The following TRHR variants were observed in gnomAD, a reference collection of about 807,000 sequenced individuals.
TRHR encodes the protein thyrotropin-releasing hormone receptor.
In TRHR, 14 loss-of-function variants were observed where a neutral mutation model predicts 28.0. The ratio of observed to expected loss-of-function variants is 0.50; its 90% CI spans 0.33 to 0.78. TRHR has a LOEUF of 0.78. TRHR is among the 30% of genes least tolerant of loss of function. TRHR has a pLI of 0.02. For missense variants in TRHR, 438 were observed against 469.5 expected (o/e 0.93, Z 0.62); for synonymous variants, 176 against 171.9 (o/e 1.02, Z -0.18).
chr8:109,096,755 G>T (rs1811599587), intron 2 of TRHR, among the ~76,000 whole-genome samples: 1 of 151,912 alleles, frequency 6.6e-6, no homozygotes, highest in Non-Finnish European at 1.5e-5. Flanking sequence ...GCACACTTTT[G>T]TGTTTGTGTG....
intron 2 of TRHR, among the ~76,000 whole-genome samples, chr8:109,111,019 G>A (rs1563626453): frequency 6.6e-6 from 1 of 152,076 alleles, no homozygotes; most frequent in Non-Finnish European, 1.5e-5. Context: ...CAGACATGGT[G>A]GTGCACGCAT....
At chr8:109,101,565 G>T (rs1251544192) in intron 2 of TRHR, among the ~76,000 whole-genome samples, 2 of 151,208 alleles carry the variant, frequency 1.3e-5, no homozygotes, top group African/African-American at 4.9e-5. Flanking sequence ...TTCTCACAGT[G>T]CCTGGAACAT....
intron 2 of TRHR, among the ~76,000 whole-genome samples, chr8:109,107,432 T>C (rs889193743): frequency 6.6e-6 from 1 of 152,168 alleles, no homozygotes; most frequent in Admixed American, 6.5e-5. Flanking sequence ...GCCATACAGA[T>C]AGTAAGTGGC....
intron 2 of TRHR, among the ~76,000 whole-genome samples, chr8:109,108,147 C>T (rs538644058): frequency 6.6e-6 from 1 of 152,256 alleles, no homozygotes; most frequent in South Asian, 2.1e-4. Context: ...CAGGTGCTCC[C>T]AGCTCTACGA....
intron 2 of TRHR, among the ~76,000 whole-genome samples, chr8:109,102,265 C>A (rs1454294701): frequency 2.6e-5 from 4 of 151,958 alleles, no homozygotes; most frequent in African/African-American, 9.7e-5. Flanking sequence ...TAGAAGAAAT[C>A]TATGTCTGTT....
chr8:109,104,286 C>T (rs1023528140), intron 2 of TRHR, among the ~76,000 whole-genome samples: 2 of 152,076 alleles, frequency 1.3e-5, no homozygotes, highest in Admixed American at 1.3e-4. Flanking sequence ...ATAAAATATT[C>T]TTTCAAAAGC....
At chr8:109,105,484 C>T (rs914413694) in intron 2 of TRHR, among the ~76,000 whole-genome samples, 4 of 152,088 alleles carry the variant, frequency 2.6e-5, no homozygotes, top group Non-Finnish European at 5.9e-5. Flanking sequence ...CTCTTTTAGA[C>T]CTTGGGAACA....
Position 109,098,919 on chromosome 8 carries a change from C to T in TRHR, c.789+10618C>T, listed in dbSNP as rs371234648. Among the ~76,000 whole-genome samples, 4 of 151,546 alleles carry T rather than the reference C, an allele frequency of 2.6e-5. No homozygotes were observed. The East Asian group carries it at 7.7e-4, about 29-fold the overall frequency. On this transcript the variant is annotated intron_variant, in intron 2 of 2. Transcript: ENST00000518632. Reference sequence around the variant, plus strand: ...TGCCGTTAATAATTTTTTCAAATGCCCCTTTCTCTCAGCGGATTGTGCATC... The same window carrying T: ...TGCCGTTAATAATTTTTTCAAATGCTCCTTTCTCTCAGCGGATTGTGCATC...
At position 109,119,692 on chromosome 8, in the gene TRHR, C is replaced by T; in HGVS notation, c.*237C>T. 1 of 493,256 alleles carries T rather than the reference C, an allele frequency of 2.0e-6. No homozygotes were observed. The highest frequency in any genetic ancestry group is 3.5e-5 in the Admixed American group (1 of 28,610). 30.6% of individuals were successfully genotyped at this position (493,256 alleles called of 1,614,324 possible). On this transcript the variant is annotated 3_prime_UTR_variant, in exon 3 of 3. Transcript: ENST00000518632. ...CTGTGAAATAGCTAAATGATGGAAA[C>T]TTAAAGTTTAGCCCTTTTCATTTAA... is the stretch of plus-strand genomic sequence containing the variant.
At position 109,093,916 on chromosome 8, in the gene TRHR, T is replaced by G. The variant is rs551317571; in HGVS notation, c.789+5615T>G. On this transcript the variant is annotated intron_variant, in intron 2 of 2. Transcript: ENST00000518632. Reference sequence around the variant, plus strand: ...CGACCAGCCTTCACCTGTCTGGAACTTGGGGTATTAGTTTGCATTTTGAAG... The same window carrying G: ...CGACCAGCCTTCACCTGTCTGGAACGTGGGGTATTAGTTTGCATTTTGAAG... Among the ~76,000 whole-genome samples the G allele has an allele frequency of 3.3e-4, 50 of 150,368 alleles. No homozygotes were observed. The Middle Eastern group carries it at 0.014, about 43-fold the overall frequency.
In TRHR at chr8:109,087,926, A is replaced by G. The variant is rs1192897579; in HGVS notation, c.414A>G (p.Thr138=). 1.2e-6 allele frequency: 2 copies of G among 1,614,112 alleles called. No homozygotes were observed. The highest frequency in any genetic ancestry group is 1.7e-6 in the Non-Finnish European group (2 of 1,180,018). Residue 138 remains threonine (T), a synonymous_variant, in exon 2 of 3, where the codon ACA becomes ACG. Transcript: ENST00000518632. ...CHPIKAQFLC[T]FSRAKKIIIF... ...CCATCAAAGCCCAGTTTCTCTGCAC[A>G]TTTTCCAGAGCCAAAAAGATTATCA...
At position 109,087,757 on chromosome 8, in the gene TRHR, A is replaced by G. The variant is rs1481840398; in HGVS notation, c.245A>G (p.Asn82Ser). The G allele has an allele frequency of 1.9e-6, 3 of 1,614,004 alleles. No homozygotes were observed. The highest frequency in any genetic ancestry group is 2.5e-6 in the Non-Finnish European group (3 of 1,180,028). The change falls in exon 2 of 3, where the codon AAC becomes AGC. Residue 82 changes from asparagine to serine, a missense_variant. Coordinates refer to ENST00000518632, the MANE Select transcript of TRHR (RefSeq NM_003301.7). ...LMVLVAAGLP[N>S]ITDSIYGSWV... ...GTCTTGGTGGCCGCAGGCCTCCCCA[A>G]CATAACAGACAGTATCTACGGTTCC...
intron 2 of TRHR, among the ~76,000 whole-genome samples, chr8:109,098,138 C>CT (rs375844081): frequency 0.018 from 2,566 of 145,516 alleles, 67 homozygotes; most frequent in African/African-American, 0.052. Flanking sequence ...TTTCTTTTTT[C>CT]TTTTTTTTTT....
At chr8:109,102,435 T>G (rs1160323127) in intron 2 of TRHR, among the ~76,000 whole-genome samples, 1 of 152,194 alleles carries the variant, frequency 6.6e-6, no homozygotes, top group East Asian at 1.9e-4. Context: ...CCTAATTCAC[T>G]GATCTGTCTG....
intron 1 of TRHR, 80 bp from the exon 2 acceptor site, chr8:109,087,345 G>A (rs1811447161): frequency 2.7e-6 from 2 of 749,210 alleles, no homozygotes; most frequent in African/African-American, 1.7e-5. Flanking sequence ...TGAAAGGAGT[G>A]GAAGTGACGG....
rs1236534764 is a variant in TRHR at position 109,121,260 on chromosome 8, A to G, written c.*1805A>G. Among the ~76,000 whole-genome samples, 1 of 151,760 alleles carries G rather than the reference A, an allele frequency of 6.6e-6. No individual in the cohort carries two copies. The highest frequency in any genetic ancestry group is 1.5e-5 in the Non-Finnish European group (1 of 67,806). ...TTCTGGTATAAATATTAATCTTGGC[A>G]TCATATAAATAGAGCACCAGAGTGA... On this transcript the variant is annotated 3_prime_UTR_variant, in exon 3 of 3. Transcript: ENST00000518632.
chr8:109,119,199 C>T lies in TRHR; in HGVS notation c.941C>T (p.Ala314Val). 6.2e-7 allele frequency: 1 copy of T among 1,612,916 alleles called. No individual in the cohort carries two copies. Among genetic ancestry groups the T allele is most frequent in the Non-Finnish European group, 8.5e-7 (1 of 1,179,246 alleles). ...FCRICIYLNS[A>V]INPVIYNLMS... ...AGAATTTGCATTTATCTCAACAGTG[C>T]CATCAACCCGGTGATTTACAATCTC... is the stretch of plus-strand genomic sequence containing the variant. Residue 314 changes from alanine to valine, a missense_variant, in exon 3 of 3, where the codon GCC becomes GTC. Physicochemically the swap from Ala to Val is moderately conservative, Grantham distance 64 (BLOSUM62 0). Transcript: ENST00000518632.
At position 109,088,313 on chromosome 8, in the gene TRHR, T is replaced by C. The variant is rs766042487; in HGVS notation, c.789+12T>C. The C allele has an allele frequency of 6.2e-7, 1 of 1,612,258 alleles. No individual in the cohort carries two copies. The highest frequency in any genetic ancestry group is 2.2e-5 in the East Asian group (1 of 44,854). Reference sequence around the variant, plus strand: ...CTTCAAGGAAGCAGGTAAGCAAAACTGAAACTCCAAGTCAATAGAGGAAAT... The same window carrying C: ...CTTCAAGGAAGCAGGTAAGCAAAACCGAAACTCCAAGTCAATAGAGGAAAT... On this transcript the variant is annotated intron_variant, in intron 2 of 2. Transcript: ENST00000518632.
Position 109,088,283 on chromosome 8 carries a change from A to G in TRHR, c.771A>G (p.Thr257=). ...CCTCTAATAGATGTTTCAACAGCAC[A>G]GTATCTTCAAGGAAGCAGGTAAGCA... is the stretch of plus-strand genomic sequence containing the variant. ...VNTSNRCFNS[T]VSSRKQVTKM... The change falls in exon 2 of 3, where the codon ACA becomes ACG. Residue 257 remains threonine (T), a synonymous_variant. Coordinates refer to ENST00000518632, the MANE Select transcript of TRHR (RefSeq NM_003301.7). 2 of 1,613,826 alleles carry G rather than the reference A, an allele frequency of 1.2e-6. No individual in the cohort carries two copies. Among genetic ancestry groups the G allele is most frequent in the East Asian group, 2.2e-5 (1 of 44,872 alleles).
Sources: allele counts gnomAD v4.1 joint callset (sites outside exome capture counted in the v4.1 genomes callset), GRCh38; gene constraint gnomAD v4.1.1; transcripts MANE v1.5; gene names NCBI Gene and HGNC (gene_info 2026-07-23, HGNC 2026-07-21).